PCDHA6: variants seen among roughly 807,000 people sequenced by gnomAD.
The protein encoded by PCDHA6 is protocadherin alpha 6.
Under a neutral mutation model 60.3 loss-of-function variants are expected in PCDHA6, and 55 were observed. The ratio of observed to expected loss-of-function variants is 0.91; its 90% CI spans 0.73 to 1.14. The LOEUF is 1.14. PCDHA6 is among the 50% of genes most tolerant of loss of function. PCDHA6 has a pLI of 0.00. For missense variants in PCDHA6, 1,327 were observed against 1,256.5 expected (o/e 1.06, Z -0.85); for synonymous variants, 652 against 557.9 (o/e 1.17, Z -2.38).
intron 3 of PCDHA6, among the ~76,000 whole-genome samples, chr5:140,996,256 A>C (rs2097718697): frequency 6.6e-6 from 1 of 152,252 alleles, no homozygotes. Flanking sequence ...TGACAGCAAC[A>C]CAGAGCCTGG....
rs782439866 is a variant in PCDHA6, at chr5:140,871,196, A to G, written c.2394+40711A>G. ...GCTGCGCTGGTGGATGTCAACGTGT[A>G]CCTGATCATCGCCATCTGCGTGGTG... On this transcript the variant is annotated intron_variant, in intron 1 of 3. Coordinates refer to ENST00000529310, the MANE Select transcript of PCDHA6 (RefSeq NM_018909.4). 19 of 1,613,546 alleles carry G rather than the reference A, an allele frequency of 1.2e-5. No homozygotes were observed. Among genetic ancestry groups the G allele is most frequent in the Non-Finnish European group, 1.6e-5 (19 of 1,179,946 alleles).
At position 140,856,259 on chromosome 5, in the gene PCDHA6, G is replaced by T. The variant is rs199529084; in HGVS notation, c.2394+25774G>T. The T allele has an allele frequency of 2.8e-5, 45 of 1,597,976 alleles. 8 individuals are homozygous for T. Among genetic ancestry groups the T allele is most frequent in the Non-Finnish European group, 2.9e-5 (34 of 1,167,878 alleles). The stretch of plus-strand genomic sequence containing the variant: ...GTTCCGGGTGGCGTCCAAAAGACAC[G>T]GGGACCTTCTGGAGGTAAATCTGCA... On this transcript the variant is annotated intron_variant, in intron 1 of 3. Coordinates refer to ENST00000529310, the MANE Select transcript of PCDHA6 (RefSeq NM_018909.4).
rs1169733601 is a variant in PCDHA6, at chr5:140,830,384, C to A, written c.2293C>A (p.Pro765Thr). The A allele has an allele frequency of 6.2e-7, 1 of 1,614,156 alleles. No homozygotes were observed. The highest frequency in any genetic ancestry group is 8.5e-7 in the Non-Finnish European group (1 of 1,180,014). Residue 765 changes from proline to threonine, a missense_variant, in exon 1 of 4, where the codon CCC (proline) becomes ACC (threonine). Coordinates refer to ENST00000529310, the MANE Select transcript of PCDHA6 (RefSeq NM_018909.4). Reference sequence around the variant, plus strand: ...GAGGGTGTGCTCCGGGGAGGGCCCACCCAAGATGGATCTCATGGCCTTTAG... The same window carrying A: ...GAGGGTGTGCTCCGGGGAGGGCCCAACCAAGATGGATCTCATGGCCTTTAG... Reference protein sequence around the residue: ...RQRVCSGEGPPKMDLMAFSPS... With the variant: ...RQRVCSGEGPTKMDLMAFSPS...
rs188637090 is a variant in PCDHA6 at position 140,876,765 on chromosome 5, C to T, written c.2394+46280C>T. 1,055 of 1,614,234 alleles carry T rather than the reference C, an allele frequency of 6.5e-4. 5 individuals are homozygous for T. The African/African-American group carries it at 0.01, about 15-fold the overall frequency. ...TGGTGGTGACTGCGCGGGATGGGGG[C>T]TCGCCTTCGCTGTGGGCCACGGCTA... On this transcript the variant is annotated intron_variant, in intron 1 of 3. Transcript: ENST00000529310.
chr5:140,828,354 C>A lies in PCDHA6; in HGVS notation c.263C>A (p.Ser88Tyr), dbSNP rs1554131244. Residue 88 changes from serine to tyrosine, a missense_variant, in exon 1 of 4, where the codon TCT becomes TAT. Transcript: ENST00000529310. ...CAGAATGGCATTTTGTTTGTGAATT[C>A]TCGGATCGACCGCGAGGAGCTGTGC... The part of the protein sequence containing the change: ...NLQNGILFVN[S>Y]RIDREELCGR... 2.5e-6 allele frequency: 4 copies of A among 1,614,264 alleles called. No homozygotes were observed. The highest frequency in any genetic ancestry group is 4.5e-5 in the East Asian group (2 of 44,886).
chr5:140,845,658 T>C (rs1779972804), intron 1 of PCDHA6, among the ~76,000 whole-genome samples: 2 of 149,686 alleles, frequency 1.3e-5, no homozygotes, highest in South Asian at 4.2e-4. Context: ...CCAATTTTTG[T>C]ATGTGTAGCC....
chr5:140,842,826 G>C (rs2150345442), intron 1 of PCDHA6: 2 of 1,593,690 alleles, frequency 1.3e-6, no homozygotes, highest in East Asian at 2.2e-5. Context: ...GTGGGCGAGC[G>C]CTCGCTGTCG....
chr5:140,849,154 C>G, intron 1 of PCDHA6: 1 of 1,231,386 alleles, frequency 8.1e-7, no homozygotes, highest in Non-Finnish European at 1.1e-6. Context: ...GGAGGCAAAC[C>G]CGAGCTGACT....
chr5:140,896,074 A>C (rs1251086240), intron 1 of PCDHA6, among the ~76,000 whole-genome samples: 1 of 151,976 alleles, frequency 6.6e-6, no homozygotes, highest in African/African-American at 2.4e-5. Context: ...GCCTCCCAAC[A>C]TGCTGGGATT....
chr5:140,870,421 G>A (rs782065685), intron 1 of PCDHA6: 1 of 1,614,216 alleles, frequency 6.2e-7, no homozygotes, highest in Non-Finnish European at 8.5e-7. Flanking sequence ...CACGGCCAGG[G>A]TATCCGTGGA....
intron 1 of PCDHA6, chr5:140,852,662 C>T: frequency 1.0e-6 from 1 of 963,512 alleles, no homozygotes; most frequent in Non-Finnish European, 1.3e-6. Context: ...ATCTGTCTAT[C>T]AGCACAACTC....
At chr5:140,973,375 C>A (rs2096584404) in intron 1 of PCDHA6, among the ~76,000 whole-genome samples, 1 of 152,182 alleles carries the variant, frequency 6.6e-6, no homozygotes, top group Admixed American at 6.5e-5. Context: ...GCACAATGGT[C>A]AGAATAGACA....
intron 1 of PCDHA6, chr5:140,858,899 C>G (rs1236968449): frequency 4.9e-6 from 1 of 203,942 alleles, no homozygotes; most frequent in South Asian, 8.1e-5. Context: ...ATATGTGTAG[C>G]GTACCACAGC....
intron 1 of PCDHA6, chr5:140,876,755 G>C (rs782037862): frequency 1.9e-6 from 3 of 1,614,248 alleles, no homozygotes; most frequent in Non-Finnish European, 1.7e-6. Flanking sequence ...GTGACTGCGC[G>C]GGATGGGGGC....
intron 1 of PCDHA6, chr5:140,859,188 C>T (rs2045759773): frequency 6.7e-6 from 1 of 149,820 alleles, no homozygotes; most frequent in Non-Finnish European, 1.5e-5. Flanking sequence ...TTAGGCATTG[C>T]TTATGATATT....
At position 140,828,154 on chromosome 5, in the gene PCDHA6, C is replaced by T. The variant is rs2150151490; in HGVS notation, c.63C>T (p.Leu21=). 28 of 1,614,164 alleles carry T rather than the reference C, an allele frequency of 1.7e-5. No homozygotes were observed. The Admixed American group carries it at 2.5e-4, about 14-fold the overall frequency. The change falls in exon 1 of 4, where the codon CTC becomes CTT. Residue 21 remains leucine, a synonymous_variant. Coordinates refer to ENST00000529310, the MANE Select transcript of PCDHA6 (RefSeq NM_018909.4). The stretch of plus-strand genomic sequence containing the variant: ...GTCTGCTCCTCCCGCTTCTGCTCCT[C>T]GCAGCCTGGAAGGTGGGGAGCGGCC... ...KQCLLLPLLL[L]AAWKVGSGQL... is the part of the protein sequence containing the mutation.
intron 3 of PCDHA6, among the ~76,000 whole-genome samples, chr5:140,996,976 G>A (rs573896136): frequency 2.6e-5 from 4 of 152,078 alleles, no homozygotes; most frequent in East Asian, 3.9e-4. Flanking sequence ...CTCCCCTTTG[G>A]TGAAGCAACC....
rs145659771 is a variant in PCDHA6, at chr5:140,828,940, C to T, written c.849C>T (p.Ser283=). 1.3e-4 allele frequency: 202 copies of T among 1,614,160 alleles called. No individual in the cohort carries two copies. The Middle Eastern group carries it at 2.5e-3, about 20-fold the overall frequency. ...GGGCAATTTCATATTCTTTTAATAG[C>T]CTTGTTGCAGCCATGGTTATTGACC... ...ANGAISYSFN[S]LVAAMVIDHF... The change falls in exon 1 of 4, where the codon AGC becomes AGT. Residue 283 remains serine (S), a synonymous_variant. Coordinates refer to ENST00000529310, the MANE Select transcript of PCDHA6 (RefSeq NM_018909.4).
chr5:140,857,626 G>A (rs536509917), intron 1 of PCDHA6: 1 of 1,596,672 alleles, frequency 6.3e-7, no homozygotes, highest in South Asian at 1.1e-5. Context: ...ACCACGAGGA[G>A]CTGGAGCTGC....
Sources: gnomAD v4.1 joint callset for allele counts (sites outside exome capture counted in the v4.1 genomes callset) on GRCh38, gnomAD v4.1.1 for gene constraint, MANE v1.5 for transcripts, NCBI Gene and HGNC (gene_info 2026-07-23, HGNC 2026-07-21) for gene names.